RGS6: variants seen among roughly 807,000 people sequenced by gnomAD.
RGS6 encodes the protein regulator of G-protein signaling 6.
In RGS6, 30 loss-of-function variants were observed where a neutral mutation model predicts 78.5. The ratio of observed to expected loss-of-function variants is 0.38; its 90% confidence interval spans 0.29 to 0.52. The LOEUF is 0.52. Ranked by LOEUF, RGS6 falls within the 20% of genes least tolerant of loss-of-function variation. RGS6 has a pLI of 0.85. For synonymous variants in RGS6, 206 were observed against 206.0 expected, an observed-to-expected ratio of 1.00 and a Z score of 0.00; for missense variants, 495 against 609.7, an observed-to-expected ratio of 0.81 and a Z score of 1.98.
At chr14:72,317,310 T>C (rs1440368178) in intron 2 of RGS6, among the ~76,000 whole-genome samples, 1 of 152,134 alleles carries the variant, frequency 6.6e-6, no homozygotes, top group Non-Finnish European at 1.5e-5. Context: ...TTTGATGAAA[T>C]ATATAACAAC....
At chr14:72,368,917 A>AT (rs1366987021) in intron 3 of RGS6, among the ~76,000 whole-genome samples, 2 of 152,232 alleles carry the variant, frequency 1.3e-5, no homozygotes, top group Non-Finnish European at 1.5e-5. Context: ...AAGTATCTTC[A>AT]TATGGGTAGG....
At chr14:72,352,538 T>C (rs1256624075) in intron 3 of RGS6, among the ~76,000 whole-genome samples, 1 of 152,216 alleles carries the variant, frequency 6.6e-6, no homozygotes, top group Non-Finnish European at 1.5e-5. Context: ...TAAGAAAGTG[T>C]TATATTCAAA....
chr14:72,272,127 A>G (rs1462979765), intron 2 of RGS6, among the ~76,000 whole-genome samples: 1 of 152,098 alleles, frequency 6.6e-6, no homozygotes. Flanking sequence ...GGGTGGGGAA[A>G]TTATTCTTCC....
intron 2 of RGS6, among the ~76,000 whole-genome samples, chr14:72,027,101 T>C (rs72735990): frequency 0.13 from 19,781 of 151,600 alleles, 1,341 homozygotes; most frequent in East Asian, 0.18. Context: ...AGGAAATGGG[T>C]GGAGGCTGAT....
intron 2 of RGS6, among the ~76,000 whole-genome samples, chr14:72,288,209 A>C (rs187137993): frequency 1.6e-4 from 24 of 152,364 alleles, no homozygotes; most frequent in Non-Finnish European, 2.6e-4. Flanking sequence ...CAGTGAATCC[A>C]TAATGGAAAT....
At chr14:72,288,266 T>C (rs1238964355) in intron 2 of RGS6, among the ~76,000 whole-genome samples, 1 of 152,216 alleles carries the variant, frequency 6.6e-6, no homozygotes, top group African/African-American at 2.4e-5. Context: ...CCTCAAAAGG[T>C]ACTAGAAAAC....
chr14:72,516,556 G>A (rs2096946319), intron 14 of RGS6, among the ~76,000 whole-genome samples: 1 of 152,210 alleles, frequency 6.6e-6, no homozygotes, highest in Non-Finnish European at 1.5e-5. Flanking sequence ...GATGGCAGCA[G>A]CAAGAGCTGG....
intron 16 of RGS6, among the ~76,000 whole-genome samples, chr14:72,539,618 T>G (rs2097294348): frequency 6.6e-6 from 1 of 152,158 alleles, no homozygotes; most frequent in East Asian, 1.9e-4. Context: ...CTGTTCTGTG[T>G]CAGGACTTGG....
intron 2 of RGS6, among the ~76,000 whole-genome samples, chr14:72,329,351 C>A (rs1206380894): frequency 6.6e-6 from 1 of 152,260 alleles, no homozygotes; most frequent in African/African-American, 2.4e-5. Context: ...AAATCTCCAA[C>A]CACTCCCTGG....
intron 2 of RGS6, among the ~76,000 whole-genome samples, chr14:72,055,311 A>G (rs1555456364): frequency 6.8e-6 from 1 of 147,932 alleles, no homozygotes; most frequent in Non-Finnish European, 1.5e-5. Context: ...TTCAGACATC[A>G]ATTTTTTTTT....
chr14:72,435,765 GC>G (rs1409445705), intron 3 of RGS6, among the ~76,000 whole-genome samples: 1 of 59,100 alleles, frequency 1.7e-5, no homozygotes, highest in African/African-American at 6.5e-5. Context: ...CCCCGCCCCC[GC>G]CCCTGCTGTG....
At position 72,476,961 on chromosome 14, in the gene RGS6, G is replaced by A. The variant is rs1318560959; in HGVS notation, c.792+121G>A. 4.9e-6 allele frequency: 4 copies of A among 808,404 alleles called. No homozygotes were observed. The African/African-American group carries it at 6.8e-5, about 14-fold the overall frequency. 50.1% of individuals were successfully genotyped at this position (808,404 alleles called of 1,614,324 possible). On this transcript the variant is annotated intron_variant, in intron 11 of 17. Coordinates refer to ENST00000553525, the MANE Select transcript of RGS6 (RefSeq NM_001204424.2). The stretch of plus-strand genomic sequence containing the variant: ...TTCCTGGAAACCACAGTGGAACCCA[G>A]CTGTGGGTGATTGAACCTTTTAAGT...
chr14:72,310,659 T>A (rs991410838), intron 2 of RGS6, among the ~76,000 whole-genome samples: 4 of 152,240 alleles, frequency 2.6e-5, no homozygotes, highest in Non-Finnish European at 5.9e-5. Flanking sequence ...GCTCTGCTTG[T>A]GGATTCTGCA....
intron 3 of RGS6, among the ~76,000 whole-genome samples, chr14:72,452,710 T>G (rs2095527330): frequency 6.6e-6 from 1 of 152,210 alleles, no homozygotes; most frequent in Non-Finnish European, 1.5e-5. Context: ...ATGTCTCCCC[T>G]TGCAGGCTGT....
intron 3 of RGS6, among the ~76,000 whole-genome samples, chr14:72,356,409 A>C (rs983820382): frequency 6.6e-6 from 1 of 152,158 alleles, no homozygotes; most frequent in African/African-American, 2.4e-5. Flanking sequence ...GCAGCCATGT[A>C]ATTAACTGTG....
chr14:72,470,080 T>A lies in RGS6; in HGVS notation c.533T>A (p.Val178Glu), dbSNP rs1417251735. 1 of 1,610,246 alleles carries A rather than the reference T, an allele frequency of 6.2e-7. No homozygotes were observed. Among genetic ancestry groups the A allele is most frequent in the Admixed American group, 1.7e-5 (1 of 59,964 alleles). The change falls in exon 8 of 18, where the codon GTA becomes GAA. Residue 178 changes from valine to glutamate, a missense_variant. By Grantham distance (121) the Val-to-Glu change is moderately radical. Coordinates refer to ENST00000553525, the MANE Select transcript of RGS6 (RefSeq NM_001204424.2). Reference sequence around the variant, plus strand: ...ATCTTTATGCAAGCAGAAGCACAAGTAAAGTAGGTGAACTTGATAGAGACC... The same window carrying A: ...ATCTTTATGCAAGCAGAAGCACAAGAAAAGTAGGTGAACTTGATAGAGACC... ...EFIFMQAEAQVKIDRKKDKTE... is the reference protein window; with the variant it reads ...EFIFMQAEAQEKIDRKKDKTE...
intron 2 of RGS6, among the ~76,000 whole-genome samples, chr14:71,974,224 T>C (rs2093985497): frequency 6.6e-6 from 1 of 152,172 alleles, no homozygotes; most frequent in African/African-American, 2.4e-5. Context: ...AATAGATACC[T>C]GTGAAAGAAA....
chr14:72,177,016 TCTC>T (rs1015387863), intron 2 of RGS6, among the ~76,000 whole-genome samples: 18 of 152,326 alleles, frequency 1.2e-4, no homozygotes, highest in Admixed American at 1.0e-3. Flanking sequence ...CTGACTTTCT[TCTC>T]CTCAATATAA....
chr14:72,133,368 C>T (rs529259798), intron 2 of RGS6, among the ~76,000 whole-genome samples: 92 of 152,174 alleles, frequency 6.0e-4, no homozygotes, highest in African/African-American at 2.2e-3. Context: ...ATTGAGACTT[C>T]AGAGTTTCCC....
Sources: allele counts gnomAD v4.1 joint callset (sites outside exome capture counted in the v4.1 genomes callset), GRCh38; gene constraint gnomAD v4.1.1; transcripts MANE v1.5; gene names NCBI Gene and HGNC (gene_info 2026-07-23, HGNC 2026-07-21).